The following KRT77 variants were observed in gnomAD, a reference collection of about 807,000 sequenced individuals.
KRT77 encodes the protein keratin 77, also known as keratin, type II cytoskeletal 1b.
A neutral mutation model predicts 51.5 loss-of-function variants in KRT77; 44 were observed. The ratio of observed to expected loss-of-function variants is 0.85; its 90% CI spans 0.67 to 1.10. The LOEUF (loss-of-function observed/expected upper bound fraction) is 1.10. Among genes scored for constraint, KRT77 ranks in the 50% least tolerant of loss-of-function variants. The pLI, the probability that KRT77 is intolerant of heterozygous loss-of-function variation, is 0.00. For synonymous variants in KRT77, 293 were observed against 302.0 expected, an observed-to-expected ratio of 0.97 and a Z score of 0.31; for missense variants, 763 against 743.9, an observed-to-expected ratio of 1.03 and a Z score of -0.30.
In KRT77 at chr12:52,690,794, A is replaced by C; in HGVS notation, c.*371T>G. On this transcript the variant is annotated 3_prime_UTR_variant, in exon 9 of 9. Transcript: ENST00000341809. ...GGGCATTCTACTTGGAGGCAGAGGA[A>C]TGATAACAATGACTTCTCCCTACCT... 1.6e-5 allele frequency: 6 copies of C among 371,770 alleles called. No individual in the cohort carries two copies. Among genetic ancestry groups the C allele is most frequent in the South Asian group, 2.6e-5 (1 of 38,260 alleles). 23.0% of individuals were successfully genotyped at this position (371,770 alleles called of 1,614,324 possible). A position where few individuals can be genotyped will look rare whatever the true frequency, so the allele number is the denominator to read the frequency against.
At chr12:52,696,235 C>T (rs1021765024) in intron 3 of KRT77, 135 bp downstream of exon 3, 13 of 763,148 alleles carry the variant, frequency 1.7e-5, no homozygotes, top group Non-Finnish European at 2.5e-5. Flanking sequence ...GTAAGGGCCC[C>T]GCATTCAGGC....
chr12:52,694,586 A>T, intron 5 of KRT77, 40 bp downstream of exon 5: 1 of 1,544,660 alleles, frequency 6.5e-7, no homozygotes, highest in South Asian at 1.2e-5. Flanking sequence ...TCTGGGAAGA[A>T]TCTGTTTTTC....
chr12:52,692,421 C>T lies in KRT77; in HGVS notation c.1427G>A (p.Arg476Lys), dbSNP rs1258335117. 1.2e-6 allele frequency: 2 copies of T among 1,613,988 alleles called. No individual in the cohort carries two copies. The highest frequency in any genetic ancestry group is 1.7e-6 in the Non-Finnish European group (2 of 1,179,990). The change falls in exon 7 of 9, where the codon AGG becomes AAG. Residue 476 changes from arginine to lysine, a missense_variant and splice_region_variant. Transcript: ENST00000341809. ...YRQLLEGEES[R>K]MSGELQSHVS... ...CCAGAAACACAGCTGCCAGACCCAC[C>T]TGCTCTCCTCGCCCTCCAGCAGCTG...
At chr12:52,697,318 C>A (rs1941808569) in intron 2 of KRT77, among the ~76,000 whole-genome samples, 2 of 152,338 alleles carry the variant, frequency 1.3e-5, no homozygotes, top group Middle Eastern at 3.4e-3. Context: ...GATCTACCCA[C>A]AACAATCCAA....
Position 52,694,820 on chromosome 12 carries a change from T to C in KRT77, c.916-30A>G, listed in dbSNP as rs771007780. 1.9e-6 allele frequency: 3 copies of C among 1,564,096 alleles called. No homozygotes were observed. In the Admixed American group the frequency reaches 5.1e-5, roughly 27 times the overall value. On this transcript the variant is annotated intron_variant, in intron 4 of 8. Transcript: ENST00000341809. Reference sequence around the variant, plus strand: ...GAGGCATGGCGCACAGGCTGACTCCTTCCATTCTCCTCTGGGGGCCTCAGT... The same window carrying C: ...GAGGCATGGCGCACAGGCTGACTCCCTCCATTCTCCTCTGGGGGCCTCAGT...
In KRT77 at chr12:52,691,305, T is replaced by C. The variant is rs636127; in HGVS notation, c.1597A>G (p.Arg533Gly). 0.96 allele frequency: 1,537,508 copies of C among 1,603,400 alleles called. 738,116 individuals carry two copies. The highest frequency in any genetic ancestry group is 1 in the East Asian group (44,133 of 44,144). ...CCGCTGCCATAACCGCCTCCACTCC[T>C]GCCTCGTGCCCCGCCTCCGCGGTAG... ...RSYRGGGARG[R>G]SGGGYGSGCG... is the part of the protein sequence containing the mutation. Residue 533 changes from arginine to glycine, a missense_variant, in exon 9 of 9, where the codon AGG becomes GGG. Physicochemically the swap from Arg to Gly is moderately radical, Grantham distance 125. Coordinates refer to ENST00000341809, the MANE Select transcript of KRT77 (RefSeq NM_175078.3).
At position 52,702,916 on chromosome 12, in the gene KRT77, G is replaced by C; in HGVS notation, c.519C>G (p.Asn173Lys). The part of the protein sequence containing the change: ...QEREQIMVLN[N>K]KFASFIDKVR... ...CCTTGTCAATGAAGGAGGCAAACTTGTTGTTGAGAACCATAATCTGCTCCC... is the reference window on the plus strand; with the variant it reads ...CCTTGTCAATGAAGGAGGCAAACTTCTTGTTGAGAACCATAATCTGCTCCC... Residue 173 changes from asparagine (N) to lysine (K), a missense_variant, in exon 1 of 9, where the codon AAC (asparagine) becomes AAG (lysine). By Grantham distance (94) the Asn-to-Lys change is moderately conservative. Transcript: ENST00000341809. 6.2e-7 allele frequency: 1 copy of C among 1,614,022 alleles called. No individual in the cohort carries two copies. Among genetic ancestry groups the C allele is most frequent in the Non-Finnish European group, 8.5e-7 (1 of 1,180,004 alleles).
rs1317180524 is a variant in KRT77, at chr12:52,691,799, T to C, written c.1462+139A>G. The C allele has an allele frequency of 5.6e-6, 5 of 899,480 alleles. No homozygotes were observed. In the African/African-American group the frequency reaches 8.2e-5, roughly 15 times the overall value. 55.7% of individuals were successfully genotyped at this position (899,480 alleles called of 1,614,324 possible). On this transcript the variant is annotated intron_variant, in intron 8 of 8. Coordinates refer to ENST00000341809, the MANE Select transcript of KRT77 (RefSeq NM_175078.3). The stretch of plus-strand genomic sequence containing the variant: ...AATGAATTCTTCCAGGCTTTGCCAT[T>C]ACACTTGCTTACTTTGGTGTCTATT...
In KRT77 at chr12:52,697,789, G is replaced by T; in HGVS notation, c.651C>A (p.Asn217Lys). The change falls in exon 2 of 9, where the codon AAC becomes AAA. Residue 217 changes from asparagine (N) to lysine (K), a missense_variant. Asn to Lys is a moderately conservative substitution (Grantham distance 94). Coordinates refer to ENST00000341809, the MANE Select transcript of KRT77 (RefSeq NM_175078.3). ...CCTGCCTCCGCAGGTCACCGATGTA[G>T]TTCTCCAAGAGGGGCTCCAGGTTGT... ...GTNNLEPLLE[N>K]YIGDLRRQVD... is the part of the protein sequence containing the mutation. 6.2e-7 allele frequency: 1 copy of T among 1,614,072 alleles called. No individual in the cohort carries two copies. Among genetic ancestry groups the T allele is most frequent in the Non-Finnish European group, 8.5e-7 (1 of 1,179,962 alleles).
rs1396609727 is a variant in KRT77 at position 52,696,396 on chromosome 12, C to T, written c.793G>A (p.Glu265Lys). The T allele has an allele frequency of 1.1e-5, 17 of 1,614,110 alleles. No homozygotes were observed. The highest frequency in any genetic ancestry group is 1.3e-5 in the African/African-American group (1 of 74,946). ...TTCTTCAGGACGACAAAGTCATTCT[C>T]GCTGCCAGTCCTCTTGTTGATTTCA... ...EDEINKRTGSENDFVVLKKDV... is the reference protein window; with the variant it reads ...EDEINKRTGSKNDFVVLKKDV... The change falls in exon 3 of 9, where the codon GAG becomes AAG. Residue 265 changes from glutamate (E) to lysine (K), a missense_variant. Glu to Lys is a moderately conservative substitution (Grantham distance 56). Transcript: ENST00000341809.
chr12:52,691,243 G>A lies in KRT77; in HGVS notation c.1659C>T (p.Gly553=). The A allele has an allele frequency of 6.2e-7, 1 of 1,613,120 alleles. No individual in the cohort carries two copies. Among genetic ancestry groups the A allele is most frequent in the South Asian group, 1.1e-5 (1 of 91,008 alleles). ...CGCGCGAGGATCCGCGGCCGCTTCTGCCGCTCCCTCCGTAGCTCCCGCCAC... is the reference window on the plus strand; with the variant it reads ...CGCGCGAGGATCCGCGGCCGCTTCTACCGCTCCCTCCGTAGCTCCCGCCAC... ...GGGGGSYGGS[G]RSGRGSSRVQ... Residue 553 remains glycine (G), a synonymous_variant, in exon 9 of 9, where the codon GGC becomes GGT. Coordinates refer to ENST00000341809, the MANE Select transcript of KRT77 (RefSeq NM_175078.3).
Position 52,691,286 on chromosome 12 carries a change from C to G in KRT77, c.1616G>C (p.Gly539Ala). The stretch of plus-strand genomic sequence containing the variant: ...CCCGCCACCGCCGCCGCAGCCGCTG[C>G]CATAACCGCCTCCACTCCTGCCTCG... ...GARGRSGGGY[G>A]SGCGGGGGSY... The change falls in exon 9 of 9, where the codon GGC (glycine) becomes GCC (alanine). Residue 539 changes from glycine to alanine, a missense_variant. Physicochemically the swap from Gly to Ala is moderately conservative, Grantham distance 60. Transcript: ENST00000341809. The G allele has an allele frequency of 6.2e-7, 1 of 1,600,112 alleles. No homozygotes were observed. Among genetic ancestry groups the G allele is most frequent in the South Asian group, 1.1e-5 (1 of 90,364 alleles).
At chr12:52,692,686 G>A in intron 6 of KRT77, 45 bp from the exon 7 acceptor site, 1 of 1,594,920 alleles carries the variant, frequency 6.3e-7, no homozygotes, top group Non-Finnish European at 8.6e-7. Flanking sequence ...TAAGTTTCCA[G>A]AGCTCGATCT....
Position 52,695,862 on chromosome 12 carries a change from C to T in KRT77, c.825G>A (p.Val275=). The T allele has an allele frequency of 6.2e-7, 1 of 1,606,536 alleles. No homozygotes were observed. Among genetic ancestry groups the T allele is most frequent in the East Asian group, 2.2e-5 (1 of 44,850 alleles). The change falls in exon 4 of 9, where the codon GTG becomes GTA. Residue 275 remains valine (V), a synonymous_variant. Transcript: ENST00000341809. ...ENDFVVLKKD[V]DAAYVSKVDL... ...CCACTTTGCTCACATAAGCAGCATC[C>T]ACATCCTGAATAGCAGGCAGAAACA... is the stretch of plus-strand genomic sequence containing the variant.
chr12:52,696,946 C>T (rs1002347221), intron 2 of KRT77, among the ~76,000 whole-genome samples: 2 of 152,206 alleles, frequency 1.3e-5, no homozygotes, highest in African/African-American at 4.8e-5. Flanking sequence ...GAGAAGCACC[C>T]TGCACCCCAC....
intron 4 of KRT77, 49 bp from the exon 5 acceptor site, chr12:52,694,839 C>A (rs1317103841): frequency 1.4e-6 from 2 of 1,458,420 alleles, no homozygotes; most frequent in African/African-American, 1.4e-5. Context: ...CCTCTGGGGG[C>A]CTCAGTTTTC....
chr12:52,703,295 C>G lies in KRT77; in HGVS notation c.140G>C (p.Gly47Ala). Residue 47 changes from glycine (G) to alanine (A), a missense_variant, in exon 1 of 9, where the codon GGT becomes GCT. Physicochemically the swap from Gly to Ala is moderately conservative, Grantham distance 60 (BLOSUM62 0). Transcript: ENST00000341809. ...CCCCCTTCCATGGATCCCATATCCA[C>G]CACCACCACACCTCCCTCGAGCATA... ...VCYARGRCGG[G>A]GYGIHGRGFG... The G allele has an allele frequency of 6.2e-7, 1 of 1,614,052 alleles. No individual in the cohort carries two copies. The highest frequency in any genetic ancestry group is 8.5e-7 in the Non-Finnish European group (1 of 1,180,020).
rs1941907578 is a variant in KRT77 at position 52,703,034 on chromosome 12, C to T, written c.401G>A (p.Gly134Glu). The part of the protein sequence containing the change: ...LGGFGPYCPP[G>E]GIQEVTINQS... ...GTTAATGGTCACCTCTTGGATGCCC[C>T]CAGGAGGACAATAAGGACCAAAGCC... The change falls in exon 1 of 9, where the codon GGG (glycine) becomes GAG (glutamate). Residue 134 changes from glycine (G) to glutamate (E), a missense_variant. By Grantham distance (98) the Gly-to-Glu change is moderately conservative. Coordinates refer to ENST00000341809, the MANE Select transcript of KRT77 (RefSeq NM_175078.3). 6.2e-7 allele frequency: 1 copy of T among 1,613,988 alleles called. No individual in the cohort carries two copies. Among genetic ancestry groups the T allele is most frequent in the Non-Finnish European group, 8.5e-7 (1 of 1,179,994 alleles).
chr12:52,695,653 C>G (rs1941784699), intron 4 of KRT77, 119 bp downstream of exon 4: 1 of 646,030 alleles, frequency 1.5e-6, no homozygotes, highest in African/African-American at 2.2e-5. Flanking sequence ...GTTGGGGTAC[C>G]TGGGGAGATG....
Sources: gnomAD v4.1 joint callset for allele counts (sites outside exome capture counted in the v4.1 genomes callset) on GRCh38, gnomAD v4.1.1 for gene constraint, MANE v1.5 for transcripts, NCBI Gene and HGNC (gene_info 2026-07-23, HGNC 2026-07-21) for gene names.